Variants in DIS3L2 observed in about 807,000 individuals in gnomAD.
DIS3L2 encodes the protein DIS3-like exonuclease 2.
A neutral mutation model predicts 97.5 loss-of-function variants in DIS3L2; 34 were observed. The observed-to-expected ratio is 0.35, with a 90% CI of 0.27 to 0.46. The LOEUF (loss-of-function observed/expected upper bound fraction) is 0.46. Ranked by LOEUF, DIS3L2 falls within the 20% of genes least tolerant of loss-of-function variation. The pLI is 1.00. For synonymous variants in DIS3L2, 435 were observed against 445.2 expected (o/e 0.98, Z 0.29); for missense variants, 1,038 against 1,146.0 (o/e 0.91, Z 1.36).
chr2:232,210,119 G>T (rs1323858242), intron 9 of DIS3L2, among the ~76,000 whole-genome samples: 1 of 152,186 alleles, frequency 6.6e-6, no homozygotes, highest in Admixed American at 6.5e-5. Context: ...GTAGGTGCCA[G>T]TTCACACAGA....
intron 9 of DIS3L2, among the ~76,000 whole-genome samples, chr2:232,171,484 C>T (rs143915900): frequency 1.1e-4 from 17 of 152,154 alleles, no homozygotes; most frequent in Non-Finnish European, 1.8e-4. Flanking sequence ...GATTGTCTGC[C>T]GCATTTATCT....
chr2:232,059,457 CA>C (rs1367414357), intron 5 of DIS3L2, among the ~76,000 whole-genome samples: 1 of 152,150 alleles, frequency 6.6e-6, no homozygotes, highest in Non-Finnish European at 1.5e-5. Context: ...GACTTCAGAA[CA>C]ACTCTTTTTA....
chr2:232,025,470 A>C (rs1694630881), intron 4 of DIS3L2, among the ~76,000 whole-genome samples: 2 of 152,282 alleles, frequency 1.3e-5, no homozygotes, highest in South Asian at 4.1e-4. Flanking sequence ...CTCACATTGC[A>C]TCCAAGTTCG....
intron 5 of DIS3L2, among the ~76,000 whole-genome samples, chr2:232,076,772 T>TCA (rs1433321774): frequency 1.3e-5 from 2 of 152,182 alleles, no homozygotes; most frequent in Non-Finnish European, 2.9e-5. Context: ...GCAGTGTTTT[T>TCA]TATATATATT....
chr2:232,135,029 C>G lies in DIS3L2; in HGVS notation c.703-1443C>G, dbSNP rs115447077. Among the ~76,000 whole-genome samples the G allele has an allele frequency of 3.9e-3, 590 of 152,152 alleles. 3 individuals are homozygous for G. Among genetic ancestry groups the G allele is most frequent in the African/African-American group, 0.013 (559 of 41,508 alleles). The stretch of plus-strand genomic sequence containing the variant: ...AGTGCAGCACTGGAGAACAAGCGAG[C>G]TGTGTGGTGGATTCATCGGAGAGGA... On this transcript the variant is annotated intron_variant, in intron 7 of 20. Transcript: ENST00000325385.
At chr2:231,963,068 A>G (rs79475637) in intron 1 of DIS3L2, among the ~76,000 whole-genome samples, 2,289 of 152,142 alleles carry the variant, frequency 0.015, 33 homozygotes, top group Non-Finnish European at 0.025. Flanking sequence ...TTTTTGGTAT[A>G]ATGGTCTGTT....
intron 11 of DIS3L2, among the ~76,000 whole-genome samples, chr2:232,247,613 C>CGGGGGG (rs1559173516): frequency 8.1e-5 from 1 of 12,382 alleles, no homozygotes; most frequent in African/African-American, 3.1e-4. Context: ...CATATAACTG[C>CGGGGGG]CGCGGGGGGG....
intron 12 of DIS3L2, 80 bp from the exon 13 acceptor site, chr2:232,263,127 T>C: frequency 7.1e-7 from 1 of 1,412,474 alleles, no homozygotes; most frequent in South Asian, 1.2e-5. Context: ...GTTGAATGTG[T>C]ATGGATGAAT....
At chr2:232,201,608 T>A (rs1202653397) in intron 9 of DIS3L2, among the ~76,000 whole-genome samples, 2 of 152,232 alleles carry the variant, frequency 1.3e-5, no homozygotes, top group Non-Finnish European at 2.9e-5. Context: ...AGAGACTTTT[T>A]AGGAACAGTC....
At chr2:232,012,893 C>A (rs1356712611) in intron 1 of DIS3L2, among the ~76,000 whole-genome samples, 1 of 152,188 alleles carries the variant, frequency 6.6e-6, no homozygotes, top group Non-Finnish European at 1.5e-5. Context: ...TTGAACACTC[C>A]GTGTTACCAT....
chr2:232,093,379 A>T (rs1422236826), intron 6 of DIS3L2, among the ~76,000 whole-genome samples: 2 of 151,940 alleles, frequency 1.3e-5, no homozygotes. Flanking sequence ...TCTGTTTTTG[A>T]TATCAGGGTA....
At chr2:232,009,935 T>C (rs1694149935) in intron 1 of DIS3L2, among the ~76,000 whole-genome samples, 1 of 152,176 alleles carries the variant, frequency 6.6e-6, no homozygotes, top group African/African-American at 2.4e-5. Context: ...ACAACACCTA[T>C]GGGCATGGAA....
At chr2:232,010,681 G>GT (rs1694173941) in intron 1 of DIS3L2, among the ~76,000 whole-genome samples, 1 of 151,846 alleles carries the variant, frequency 6.6e-6, no homozygotes, top group Admixed American at 6.6e-5. Context: ...TCTGATACTC[G>GT]TAAGTACTAA....
rs3924438 is a variant in DIS3L2, at chr2:232,343,152, C to T, written c.1582-193C>T. 0.075 allele frequency: 46,178 copies of T among 616,354 alleles called. 2,370 individuals are homozygous for T. The highest frequency in any genetic ancestry group is 0.19 in the African/African-American group (10,285 of 53,970). 38.2% of individuals were successfully genotyped at this position (616,354 alleles called of 1,614,324 possible). On this transcript the variant is annotated intron_variant, in intron 13 of 13. Transcript: ENST00000273009. ...TGAAGGCCCCCTCAACCTGGCTCAT[C>T]ATCAAAGCAGACTGTTGACTAGCTG...
At chr2:232,000,772 G>T (rs935905090) in intron 1 of DIS3L2, among the ~76,000 whole-genome samples, 4 of 108,066 alleles carry the variant, frequency 3.7e-5, no homozygotes, top group Admixed American at 2.4e-4. Flanking sequence ...CCATGTTGTT[G>T]CCCAGGCTGG....
chr2:232,251,022 C>G (rs541807360), intron 12 of DIS3L2, among the ~76,000 whole-genome samples: 2 of 152,120 alleles, frequency 1.3e-5, no homozygotes, highest in Non-Finnish European at 2.9e-5. Context: ...AGAGACAACC[C>G]GAGGGAAGCT....
intron 7 of DIS3L2, among the ~76,000 whole-genome samples, chr2:232,134,814 A>G (rs1315470841): frequency 6.6e-6 from 1 of 152,056 alleles, no homozygotes; most frequent in Non-Finnish European, 1.5e-5. Flanking sequence ...CCTGGGTGAC[A>G]GAGCAAGGTC....
chr2:232,329,785 T>TGCCCGGGGGGCCCCC, intron 14 of DIS3L2, 28 bp from the exon 15 acceptor site: 19 of 967,110 alleles, frequency 2.0e-5, no homozygotes, highest in African/African-American at 3.4e-5. Context: ...ACCCCAGCGG[T>TGCCCGGGGGGCCCCC]CCCTCCCATC....
At chr2:232,241,238 T>C (rs1010606358) in intron 11 of DIS3L2, among the ~76,000 whole-genome samples, 1 of 152,278 alleles carries the variant, frequency 6.6e-6, no homozygotes, top group African/African-American at 2.4e-5. Context: ...ATAAAGGTCT[T>C]CTGAAAAGCT....
Sources: gnomAD v4.1 joint callset for allele counts (sites outside exome capture counted in the v4.1 genomes callset) on GRCh38, gnomAD v4.1.1 for gene constraint, MANE v1.5 for transcripts, NCBI Gene and HGNC (gene_info 2026-07-23, HGNC 2026-07-21) for gene names.